Variants in ZNF804B observed in about 807,000 individuals in gnomAD.
ZNF804B encodes the protein zinc finger protein 804B.
In ZNF804B, 80 loss-of-function variants were observed where a neutral mutation model predicts 101.4. The observed-to-expected ratio is 0.79, with a 90% CI of 0.66 to 0.95. The LOEUF is 0.95. ZNF804B is among the 40% of genes least tolerant of loss of function. ZNF804B has a pLI of 0.00. For missense variants in ZNF804B, 1,673 were observed against 1,561.9 expected, an observed-to-expected ratio of 1.07 and a Z score of -1.20; for synonymous variants, 622 against 558.8, an observed-to-expected ratio of 1.11 and a Z score of -1.59.
chr7:88,838,687 AT>A (rs1791251846), intron 1 of ZNF804B, among the ~76,000 whole-genome samples: 1 of 151,844 alleles, frequency 6.6e-6, no homozygotes, highest in Non-Finnish European at 1.5e-5. Flanking sequence ...TTGATTTGAC[AT>A]TTTAGGGCCA....
At position 89,204,246 on chromosome 7, in the gene ZNF804B, C is replaced by T. The variant is rs141994655; in HGVS notation, c.109-13909C>T. Among the ~76,000 whole-genome samples, 591 of 152,194 alleles carry T rather than the reference C, an allele frequency of 3.9e-3. 3 individuals are homozygous for T. Among genetic ancestry groups the T allele is most frequent in the African/African-American group, 0.013 (558 of 41,534 alleles). On this transcript the variant is annotated intron_variant, in intron 1 of 3. Transcript: ENST00000333190. ...AGCTACATCAGGAGTAATGGCTAAACGAAAGTACTTCCTGTCTAATGCACA... is the reference window on the plus strand; with the variant it reads ...AGCTACATCAGGAGTAATGGCTAAATGAAAGTACTTCCTGTCTAATGCACA...
chr7:89,026,992 C>A (rs1788761768), intron 1 of ZNF804B, among the ~76,000 whole-genome samples: 1 of 151,798 alleles, frequency 6.6e-6, no homozygotes. Context: ...AAAAGTTGGC[C>A]TTAGAATAAA....
At chr7:89,298,216 G>GTGTATGTATA (rs1421058768) in intron 2 of ZNF804B, among the ~76,000 whole-genome samples, 1 of 27,524 alleles carries the variant, frequency 3.6e-5, no homozygotes, top group African/African-American at 1.6e-4. Context: ...GTGTGTGTGT[G>GTGTATGTATA]TATATATATA....
intron 1 of ZNF804B, among the ~76,000 whole-genome samples, chr7:88,925,090 T>A (rs1045688614): frequency 3.9e-5 from 6 of 152,188 alleles, no homozygotes; most frequent in Non-Finnish European, 8.8e-5. Flanking sequence ...CTCAGTATTC[T>A]CAAATACCTA....
intron 2 of ZNF804B, among the ~76,000 whole-genome samples, chr7:89,246,176 GA>G (rs1302612499): frequency 6.6e-6 from 1 of 152,150 alleles, no homozygotes; most frequent in African/African-American, 2.4e-5. Context: ...TAGAACAATA[GA>G]AAGTGTCTCA....
chr7:88,810,237 A>G (rs117735853), intron 1 of ZNF804B, among the ~76,000 whole-genome samples: 2,045 of 152,042 alleles, frequency 0.013, 27 homozygotes, highest in Non-Finnish European at 0.02. Flanking sequence ...TATTATAATT[A>G]TGGTTTTCTA....
intron 1 of ZNF804B, among the ~76,000 whole-genome samples, chr7:89,009,296 A>G (rs535356092): frequency 7.9e-5 from 12 of 152,138 alleles, no homozygotes; most frequent in African/African-American, 2.9e-4. Context: ...ATCATTCTCA[A>G]TATGTGATCC....
At chr7:89,279,741 G>C (rs910042833) in intron 2 of ZNF804B, among the ~76,000 whole-genome samples, 2 of 151,918 alleles carry the variant, frequency 1.3e-5, no homozygotes, top group African/African-American at 4.8e-5. Flanking sequence ...ATGTGCTGCT[G>C]GATTCGGTTT....
intron 1 of ZNF804B, among the ~76,000 whole-genome samples, chr7:89,121,264 A>G (rs892584706): frequency 6.6e-6 from 1 of 152,232 alleles, no homozygotes; most frequent in East Asian, 1.9e-4. Flanking sequence ...GGAACTATAT[A>G]TAAGACTAAT....
intron 1 of ZNF804B, among the ~76,000 whole-genome samples, chr7:89,136,015 AT>A (rs1181425612): frequency 6.6e-6 from 1 of 152,160 alleles, no homozygotes; most frequent in Non-Finnish European, 1.5e-5. Flanking sequence ...ACCTTCAAAA[AT>A]ATTTCAAAAT....
chr7:88,950,243 T>C (rs1265550389), intron 1 of ZNF804B, among the ~76,000 whole-genome samples: 1 of 151,986 alleles, frequency 6.6e-6, no homozygotes, highest in Non-Finnish European at 1.5e-5. Context: ...TCTATTTATC[T>C]ATCTAAATTG....
At chr7:89,239,216 A>C (rs1789328377) in intron 2 of ZNF804B, among the ~76,000 whole-genome samples, 1 of 152,140 alleles carries the variant, frequency 6.6e-6, no homozygotes, top group South Asian at 2.1e-4. Context: ...GAGTCTGTCA[A>C]ATCTGAGGAT....
intron 2 of ZNF804B, among the ~76,000 whole-genome samples, chr7:89,277,684 A>AT (rs965092783): frequency 4.6e-5 from 7 of 151,518 alleles, no homozygotes; most frequent in African/African-American, 1.2e-4. Context: ...TGAACTCATC[A>AT]TTTTTTATGG....
chr7:89,031,116 T>G (rs1338045373), intron 1 of ZNF804B, among the ~76,000 whole-genome samples: 2 of 151,788 alleles, frequency 1.3e-5, no homozygotes, highest in African/African-American at 4.8e-5. Context: ...ACATGTATAC[T>G]TATGTAACAA....
At chr7:89,058,479 A>G (rs936136525) in intron 1 of ZNF804B, among the ~76,000 whole-genome samples, 2 of 152,136 alleles carry the variant, frequency 1.3e-5, no homozygotes, top group African/African-American at 2.4e-5. Context: ...ATAATATACT[A>G]TGTAGTCTGT....
At chr7:88,940,685 C>T (rs1421731906) in intron 1 of ZNF804B, among the ~76,000 whole-genome samples, 2 of 151,134 alleles carry the variant, frequency 1.3e-5, no homozygotes, top group African/African-American at 4.9e-5. Flanking sequence ...GAGAGGATTG[C>T]TTGAGCTAGG....
intron 1 of ZNF804B, among the ~76,000 whole-genome samples, chr7:88,795,360 A>C (rs1790463483): frequency 6.6e-6 from 1 of 152,150 alleles, no homozygotes; most frequent in Non-Finnish European, 1.5e-5. Flanking sequence ...TTTTAAAAAA[A>C]AATCCAAGGC....
intron 1 of ZNF804B, among the ~76,000 whole-genome samples, chr7:88,919,456 T>C (rs1294432435): frequency 2.0e-5 from 3 of 152,116 alleles, no homozygotes; most frequent in African/African-American, 7.2e-5. Flanking sequence ...AGAGGGACAG[T>C]CTTTTTAAAG....
intron 1 of ZNF804B, among the ~76,000 whole-genome samples, chr7:88,856,251 T>C (rs1791557729): frequency 6.6e-6 from 1 of 152,194 alleles, no homozygotes; most frequent in Admixed American, 6.5e-5. Context: ...TGGAATGTTC[T>C]TCCATTTGTT....
Sources: allele counts gnomAD v4.1 joint callset (sites outside exome capture counted in the v4.1 genomes callset), GRCh38; gene constraint gnomAD v4.1.1; transcripts MANE v1.5; gene names NCBI Gene and HGNC (gene_info 2026-07-23, HGNC 2026-07-21).